Variants in PDE1C observed in about 807,000 individuals in gnomAD.
PDE1C encodes dual specificity calcium/calmodulin-dependent 3',5'-cyclic nucleotide phosphodiesterase 1C.
Under a neutral mutation model 93.1 loss-of-function variants are expected in PDE1C, and 62 were observed. The ratio of observed to expected loss-of-function variants is 0.67; its 90% CI spans 0.54 to 0.82. The LOEUF is 0.82. Among genes scored for constraint, PDE1C ranks in the 40% least tolerant of loss-of-function variants. PDE1C has a pLI of 0.00. For synonymous variants in PDE1C, 325 were observed against 310.1 expected (o/e 1.05, Z -0.50); for missense variants, 742 against 884.6 (o/e 0.84, Z 2.04).
Position 31,805,435 on chromosome 7 carries a change from T to A in PDE1C, c.1891+3596A>T, listed in dbSNP as rs191722388. 1.8e-3 allele frequency among the ~76,000 whole-genome samples: 272 copies of A among 152,042 alleles called. 1 individual carries two copies. The highest frequency in any genetic ancestry group is 6.3e-3 in the African/African-American group (263 of 41,508). ...AGGGAGTACTATTGTACTCTTATAT[T>A]CTTCAGACCTCTAGAGTTTATCTCT... On this transcript the variant is annotated intron_variant, in intron 16 of 17. Coordinates refer to ENST00000396191, the MANE Select transcript of PDE1C (RefSeq NM_001191057.4).
At chr7:31,821,732 G>A (rs1263384524) in intron 14 of PDE1C, among the ~76,000 whole-genome samples, 1 of 152,076 alleles carries the variant, frequency 6.6e-6, no homozygotes, top group African/African-American at 2.4e-5. Context: ...CCTGAAATGA[G>A]CAGCCACTTG....
chr7:31,809,397 AC>A (rs1787274060), intron 15 of PDE1C, among the ~76,000 whole-genome samples: 1 of 152,018 alleles, frequency 6.6e-6, no homozygotes, highest in Non-Finnish European at 1.5e-5. Context: ...GTGAGGAGAA[AC>A]CCGAGCTAAC....
intron 1 of PDE1C, among the ~76,000 whole-genome samples, chr7:32,229,924 T>A (rs1386586748): frequency 6.6e-6 from 1 of 152,206 alleles, no homozygotes; most frequent in Non-Finnish European, 1.5e-5. Context: ...CTTTTTCGAT[T>A]GTGAGTGGAG....
chr7:32,123,508 T>C, intron 3 of PDE1C, among the ~76,000 whole-genome samples: 1 of 152,180 alleles, frequency 6.6e-6, no homozygotes, highest in Non-Finnish European at 1.5e-5. Context: ...TTATCCTCCA[T>C]GATCAAGTTG....
chr7:32,016,414 A>T (rs1411191020), intron 2 of PDE1C, among the ~76,000 whole-genome samples: 1 of 152,226 alleles, frequency 6.6e-6, no homozygotes, highest in Non-Finnish European at 1.5e-5. Context: ...AATTGTAAAT[A>T]AGTAGAAACT....
At chr7:32,189,088 A>G (rs1804064220) in intron 2 of PDE1C, among the ~76,000 whole-genome samples, 1 of 152,194 alleles carries the variant, frequency 6.6e-6, no homozygotes, top group Non-Finnish European at 1.5e-5. Context: ...TTCAAAGTCT[A>G]TTTAGAAATT....
At chr7:32,248,131 A>C (rs1809100869) in intron 1 of PDE1C, among the ~76,000 whole-genome samples, 1 of 152,186 alleles carries the variant, frequency 6.6e-6, no homozygotes. Context: ...TGTAAAGATA[A>C]TTATTTAATA....
intron 11 of PDE1C, among the ~76,000 whole-genome samples, chr7:31,831,518 ACG>A (rs879420954): frequency 2.8e-5 from 4 of 144,840 alleles, no homozygotes; most frequent in South Asian, 2.2e-4. Context: ...ACACACACAC[ACG>A]CACATACACA....
chr7:31,737,874 T>C, the PDE1C span, among the ~76,000 whole-genome samples: 5 of 149,774 alleles, frequency 3.3e-5, no homozygotes, highest in East Asian at 9.9e-4. Context: ...TCATCATAAA[T>C]AAGGAGAGGT....
intron 1 of PDE1C, among the ~76,000 whole-genome samples, chr7:32,270,028 G>A (rs544480369): frequency 6.6e-6 from 1 of 152,112 alleles, no homozygotes; most frequent in South Asian, 2.1e-4. Context: ...CTCCTACCTT[G>A]GCCTCCCAAA....
the PDE1C span, among the ~76,000 whole-genome samples, chr7:31,743,420 G>C: frequency 6.6e-6 from 1 of 152,084 alleles, no homozygotes; most frequent in African/African-American, 2.4e-5. Flanking sequence ...CTGCAGCCCT[G>C]CCACAAGTAA....
chr7:31,950,527 T>C (rs908649789), intron 2 of PDE1C, among the ~76,000 whole-genome samples: 2 of 152,208 alleles, frequency 1.3e-5, no homozygotes, highest in Admixed American at 1.3e-4. Flanking sequence ...ACTTATCAGA[T>C]ACAGGATCTC....
At chr7:32,180,055 A>G (rs1183797731) in intron 2 of PDE1C, among the ~76,000 whole-genome samples, 1 of 152,234 alleles carries the variant, frequency 6.6e-6, no homozygotes, top group African/African-American at 2.4e-5. Context: ...GGAATTAGGA[A>G]TGAATGGAGT....
chr7:32,394,378 G>A (rs1298727043), intron 1 of PDE1C, among the ~76,000 whole-genome samples: 1 of 152,210 alleles, frequency 6.6e-6, no homozygotes, highest in African/African-American at 2.4e-5. Flanking sequence ...GAAATCTCAG[G>A]TTGATCCTCA....
At chr7:31,916,479 A>G (rs1318332674) in intron 2 of PDE1C, among the ~76,000 whole-genome samples, 1 of 152,244 alleles carries the variant, frequency 6.6e-6, no homozygotes, top group Admixed American at 6.5e-5. Context: ...CAAGTCAGTC[A>G]TAAGCCCATG....
intron 14 of PDE1C, 126 bp downstream of exon 14, chr7:31,822,947 G>C: frequency 1.3e-6 from 1 of 756,004 alleles, no homozygotes; most frequent in Non-Finnish European, 2.2e-6. Flanking sequence ...AAAGATGGTA[G>C]ATTCTAATAT....
chr7:31,718,804 C>T, the PDE1C span, among the ~76,000 whole-genome samples: 2 of 152,152 alleles, frequency 1.3e-5, no homozygotes, highest in Non-Finnish European at 2.9e-5. Context: ...CCTCAGCAGC[C>T]CTAGCTGCTG....
At chr7:31,684,206 A>C in the PDE1C span, among the ~76,000 whole-genome samples, 1 of 152,206 alleles carries the variant, frequency 6.6e-6, no homozygotes, top group African/African-American at 2.4e-5. Flanking sequence ...CAACAGCCCG[A>C]ACTTGGGAGT....
intron 1 of PDE1C, among the ~76,000 whole-genome samples, chr7:32,378,014 G>A (rs1429492833): frequency 1.3e-5 from 2 of 152,226 alleles, no homozygotes; most frequent in African/African-American, 4.8e-5. Flanking sequence ...GGGAGGAGGA[G>A]CAGCATTTAA....
Sources: allele counts gnomAD v4.1 joint callset (sites outside exome capture counted in the v4.1 genomes callset), GRCh38; gene constraint gnomAD v4.1.1; transcripts MANE v1.5; gene names NCBI Gene and HGNC (gene_info 2026-07-23, HGNC 2026-07-21).